The following OPCML variants were observed in gnomAD, a reference collection of about 807,000 sequenced individuals.
The protein encoded by OPCML is opioid binding protein/cell adhesion molecule like.
Under a neutral mutation model 37.8 loss-of-function variants are expected in OPCML, and 13 were observed. The observed-to-expected ratio is 0.34, with a 90% confidence interval of 0.22 to 0.55. OPCML has a LOEUF of 0.55. Ranked by LOEUF, OPCML falls within the 20% of genes least tolerant of loss-of-function variation. The pLI, the probability that OPCML is intolerant of heterozygous loss-of-function variation, is 0.91. For synonymous variants in OPCML, 176 were observed against 168.8 expected (o/e 1.04, Z -0.33); for missense variants, 341 against 435.6 (o/e 0.78, Z 1.93).
chr11:133,036,365 A>G (rs966378198), intron 1 of OPCML, among the ~76,000 whole-genome samples: 2 of 152,250 alleles, frequency 1.3e-5, no homozygotes, highest in African/African-American at 4.8e-5. Flanking sequence ...AAGATCAATA[A>G]AAGATTCTCC....
Position 132,756,129 on chromosome 11 carries a change from T to C in OPCML, c.147-98810A>G, listed in dbSNP as rs555716806. Among the ~76,000 whole-genome samples the C allele has an allele frequency of 2.6e-5, 4 of 152,314 alleles. No homozygotes were observed. In the South Asian group the frequency reaches 8.3e-4, roughly 32 times the overall value. On this transcript the variant is annotated intron_variant, in intron 2 of 7. Transcript: ENST00000524381. The stretch of plus-strand genomic sequence containing the variant: ...ACCAGGGTGGTGACGGCTGTGCAGT[T>C]GAATCATGAGTTGTATAAGTCAATT...
In OPCML at chr11:132,786,390, A is replaced by G. The variant is rs911428788; in HGVS notation, c.147-129071T>C. Among the ~76,000 whole-genome samples the G allele has an allele frequency of 4.6e-5, 7 of 152,306 alleles. No homozygotes were observed. In the South Asian group the frequency reaches 1.0e-3, roughly 23 times the overall value. On this transcript the variant is annotated intron_variant, in intron 2 of 7. Transcript: ENST00000524381. ...AACTAAAACGAAAAGAAATGGGGGAATGATATCAATGCCGTAGATAACTTT... is the reference window on the plus strand; with the variant it reads ...AACTAAAACGAAAAGAAATGGGGGAGTGATATCAATGCCGTAGATAACTTT...
chr11:133,138,427 G>A (rs867445184), intron 1 of OPCML, among the ~76,000 whole-genome samples: 14 of 152,192 alleles, frequency 9.2e-5, no homozygotes, highest in Non-Finnish European at 1.5e-4. Flanking sequence ...AGGAGCATAC[G>A]TAGAAACCTA....
chr11:133,106,294 A>G (rs1262804695), intron 1 of OPCML, among the ~76,000 whole-genome samples: 20 of 152,206 alleles, frequency 1.3e-4, no homozygotes, highest in Non-Finnish European at 7.3e-5. Flanking sequence ...CACGCTGTCC[A>G]TTTGGGCCTG....
chr11:133,289,668 G>C (rs577804464), intron 1 of OPCML, among the ~76,000 whole-genome samples: 6 of 151,958 alleles, frequency 3.9e-5, no homozygotes, highest in Admixed American at 2.6e-4. Flanking sequence ...TTAGAGACTA[G>C]GGCTAGTTTC....
Position 132,545,771 on chromosome 11 carries a change from G to A in OPCML, c.380-16585C>T, listed in dbSNP as rs1416931294. On this transcript the variant is annotated intron_variant, in intron 3 of 7. Transcript: ENST00000524381. ...AGAAATACACCTTATACATTTTTCA[G>A]AGCTGTGTAGTATTCCTTGGCATAA... Among the ~76,000 whole-genome samples, 5 of 152,154 alleles carry A rather than the reference G, an allele frequency of 3.3e-5. No individual in the cohort carries two copies. In the South Asian group the frequency reaches 6.2e-4, roughly 19 times the overall value.
In OPCML at chr11:132,990,587, G is replaced by A. The variant is rs941747794; in HGVS notation, c.62-47577C>T. Among the ~76,000 whole-genome samples, 35 of 152,154 alleles carry A rather than the reference G, an allele frequency of 2.3e-4. 1 individual carries two copies. The highest frequency in any genetic ancestry group is 1.6e-3 in the Admixed American group (25 of 15,268). The stretch of plus-strand genomic sequence containing the variant: ...TTGGTCACCTAGAAATGAGAATTGC[G>A]GTCACTGGCCCTCTATGTCCTTTCC... On this transcript the variant is annotated intron_variant, in intron 1 of 7. Coordinates refer to ENST00000524381, the MANE Select transcript of OPCML (RefSeq NM_001012393.5).
chr11:132,750,392 G>A (rs1945791198), intron 2 of OPCML, among the ~76,000 whole-genome samples: 1 of 152,184 alleles, frequency 6.6e-6, no homozygotes, highest in African/African-American at 2.4e-5. Flanking sequence ...AACCACAGGA[G>A]GCAGGAAACA....
chr11:133,203,299 C>A (rs1938883594), intron 1 of OPCML, among the ~76,000 whole-genome samples: 1 of 152,208 alleles, frequency 6.6e-6, no homozygotes, highest in Admixed American at 6.5e-5. Context: ...GGGACAAATG[C>A]AGAGACCTAG....
At chr11:132,653,824 T>A (rs892680888) in intron 3 of OPCML, among the ~76,000 whole-genome samples, 1 of 152,208 alleles carries the variant, frequency 6.6e-6, no homozygotes, top group African/African-American at 2.4e-5. Flanking sequence ...GATACCCACC[T>A]TCTCAAATGG....
intron 2 of OPCML, among the ~76,000 whole-genome samples, chr11:132,777,337 C>T (rs975544633): frequency 6.6e-5 from 10 of 152,160 alleles, no homozygotes; most frequent in South Asian, 4.1e-4. Flanking sequence ...AGTTAGAGCA[C>T]GCACAAAGGA....
chr11:132,527,982 C>G (rs1164552776), intron 4 of OPCML, among the ~76,000 whole-genome samples: 3 of 152,138 alleles, frequency 2.0e-5, no homozygotes, highest in African/African-American at 4.8e-5. Context: ...CCATCAGCAT[C>G]TAGGGGAAAG....
intron 1 of OPCML, among the ~76,000 whole-genome samples, chr11:133,459,739 A>AATTGGAAGGAGAAATAG (rs1946817202): frequency 6.6e-6 from 1 of 152,016 alleles, no homozygotes; most frequent in African/African-American, 2.4e-5. Context: ...AACATGAAAG[A>AATTGGAAGGAGAAATAG]ATTGGAAGGA....
At chr11:132,822,262 T>G (rs974207961) in intron 2 of OPCML, among the ~76,000 whole-genome samples, 5 of 151,828 alleles carry the variant, frequency 3.3e-5, no homozygotes, top group African/African-American at 1.2e-4. Flanking sequence ...ACTCTCCCTC[T>G]CCCACCTCCC....
At chr11:133,014,753 T>A (rs1056983182) in intron 1 of OPCML, among the ~76,000 whole-genome samples, 5 of 152,240 alleles carry the variant, frequency 3.3e-5, no homozygotes, top group African/African-American at 1.2e-4. Flanking sequence ...AGTTTTAATC[T>A]GAACTGAACA....
At chr11:132,459,825 A>T (rs1045702178) in intron 4 of OPCML, among the ~76,000 whole-genome samples, 6 of 152,222 alleles carry the variant, frequency 3.9e-5, no homozygotes, top group Non-Finnish European at 7.3e-5. Context: ...AGCTCATGAA[A>T]GCAAATACAA....
intron 2 of OPCML, among the ~76,000 whole-genome samples, chr11:132,675,151 A>ATGTGTG (rs1239870422): frequency 1.6e-5 from 2 of 126,180 alleles, no homozygotes; most frequent in African/African-American, 6.6e-5. Flanking sequence ...GCCCATATAT[A>ATGTGTG]TGTATGTGTG....
At chr11:133,107,172 C>CTG (rs1949172697) in intron 1 of OPCML, among the ~76,000 whole-genome samples, 1 of 152,188 alleles carries the variant, frequency 6.6e-6, no homozygotes, top group African/African-American at 2.4e-5. Context: ...GTGGGCCCTT[C>CTG]TGTAGTGTCA....
rs144964876 is a variant in OPCML, at chr11:132,815,401, C to T, written c.146+127525G>A. Among the ~76,000 whole-genome samples, 43 of 152,262 alleles carry T rather than the reference C, an allele frequency of 2.8e-4. No homozygotes were observed. In the East Asian group the frequency reaches 7.7e-3, roughly 27 times the overall value. Reference sequence around the variant, plus strand: ...GGGGCTACACAAACATGTAATACATCAGACAAAAATAATAGATTAAAGATG... The same window carrying T: ...GGGGCTACACAAACATGTAATACATTAGACAAAAATAATAGATTAAAGATG... On this transcript the variant is annotated intron_variant, in intron 2 of 7. Transcript: ENST00000524381.
Sources: allele counts gnomAD v4.1 joint callset (sites outside exome capture counted in the v4.1 genomes callset), GRCh38; gene constraint gnomAD v4.1.1; transcripts MANE v1.5; gene names NCBI Gene and HGNC (gene_info 2026-07-23, HGNC 2026-07-21).